RAPGEF2: variants seen among roughly 807,000 people sequenced by gnomAD.
The protein encoded by RAPGEF2 is Rap guanine nucleotide exchange factor 2.
RAPGEF2 carries 54 observed loss-of-function variants against 186.7 expected under a neutral mutation model. The observed-to-expected ratio is 0.29, with a 90% CI of 0.23 to 0.36. The LOEUF (loss-of-function observed/expected upper bound fraction) is 0.36. Among genes scored for constraint, RAPGEF2 ranks in the 10% least tolerant of loss-of-function variants. The pLI is 1.00. For synonymous variants in RAPGEF2, 712 were observed against 705.9 expected (o/e 1.01, Z -0.14); for missense variants, 1,532 against 2,045.0 (o/e 0.75, Z 4.84).
intron 4 of RAPGEF2, among the ~76,000 whole-genome samples, chr4:159,227,332 G>A (rs1752145731): frequency 6.6e-6 from 1 of 152,080 alleles, no homozygotes; most frequent in Admixed American, 6.5e-5. Context: ...TTTGCTTCTT[G>A]AATGAATTTT....
chr4:159,308,860 C>G (rs1052663413), intron 8 of RAPGEF2, among the ~76,000 whole-genome samples: 2 of 151,998 alleles, frequency 1.3e-5, no homozygotes, highest in African/African-American at 4.8e-5. Context: ...GAGTTGAGTT[C>G]ATTTGTTGAG....
chr4:159,162,171 A>G (rs911801549), intron 1 of RAPGEF2, among the ~76,000 whole-genome samples: 1 of 150,600 alleles, frequency 6.6e-6, no homozygotes, highest in Non-Finnish European at 1.5e-5. Flanking sequence ...GATTGCTTAA[A>G]GCCAAGAGTT....
chr4:159,120,677 A>G (rs1243879212), intron 1 of RAPGEF2, among the ~76,000 whole-genome samples: 4 of 152,138 alleles, frequency 2.6e-5, no homozygotes, highest in Non-Finnish European at 5.9e-5. Flanking sequence ...TAAATAAGCT[A>G]TGTTTCCATA....
At chr4:159,259,063 C>T (rs1022583949) in intron 7 of RAPGEF2, among the ~76,000 whole-genome samples, 1 of 152,118 alleles carries the variant, frequency 6.6e-6, no homozygotes, top group Non-Finnish European at 1.5e-5. Context: ...AGTATTTCCC[C>T]GTCAGTAGAT....
At chr4:159,238,670 A>G (rs1160811844) in intron 4 of RAPGEF2, 139 bp from the exon 5 acceptor site, 2 of 501,040 alleles carry the variant, frequency 4.0e-6, no homozygotes, top group Non-Finnish European at 6.7e-6. Flanking sequence ...ATTATTAAAG[A>G]TAATTCACTT....
chr4:159,336,359 G>A (rs1385897721), intron 17 of RAPGEF2, among the ~76,000 whole-genome samples: 1 of 151,996 alleles, frequency 6.6e-6, no homozygotes, highest in African/African-American at 2.4e-5. Context: ...AAAGTCCATT[G>A]TATCACTCAG....
chr4:159,266,578 T>A (rs573952235), intron 7 of RAPGEF2, among the ~76,000 whole-genome samples: 48 of 150,996 alleles, frequency 3.2e-4, no homozygotes, highest in South Asian at 1.5e-3. Context: ...TTTGGTTTTT[T>A]AAAAAAAAAA....
At position 159,171,654 on chromosome 4, in the gene RAPGEF2, T is replaced by G. The variant is rs186676612; in HGVS notation, c.70-14988T>G. Among the ~76,000 whole-genome samples the G allele has an allele frequency of 1.1e-4, 17 of 151,608 alleles. No individual in the cohort carries two copies. The East Asian group carries it at 3.3e-3, about 29-fold the overall frequency. ...AGAGTTCCACTAGTAGTTCTAGAGA[T>G]ATCTTTCATGTAAAAGGAGTGTCTC... On this transcript the variant is annotated intron_variant, in intron 1 of 29. Coordinates refer to ENST00000691494, the MANE Select transcript of RAPGEF2 (RefSeq NM_001394067.2).
rs749917570 is a variant in RAPGEF2, at chr4:159,332,680, G to A, written c.2118G>A (p.Leu706=). Residue 706 remains leucine (L), a synonymous_variant, in exon 17 of 30, where the codon TTG becomes TTA. Coordinates refer to ENST00000691494, the MANE Select transcript of RAPGEF2 (RefSeq NM_001394067.2). ...KILDKTRISI[L]PQKPYNDIGI... is the part of the protein sequence containing the mutation. ...TCGACAAGACTCGGATCAGTATCTT[G>A]CCACAGAAACCATACAAGTAAGCAT... The A allele has an allele frequency of 2.5e-6, 4 of 1,614,074 alleles. No homozygotes were observed. The highest frequency in any genetic ancestry group is 2.5e-6 in the Non-Finnish European group (3 of 1,179,956).
At chr4:159,236,239 A>G (rs890285700) in intron 4 of RAPGEF2, among the ~76,000 whole-genome samples, 1 of 152,200 alleles carries the variant, frequency 6.6e-6, no homozygotes, top group Non-Finnish European at 1.5e-5. Context: ...CTGTAGTGCA[A>G]CTGACTCTCT....
intron 7 of RAPGEF2, among the ~76,000 whole-genome samples, chr4:159,266,009 G>A (rs1757384016): frequency 6.6e-6 from 1 of 152,178 alleles, no homozygotes; most frequent in Admixed American, 6.5e-5. Context: ...ATTGTTGAGA[G>A]ATTTGGTTGG....
At chr4:159,205,191 A>T (rs1749841794) in intron 3 of RAPGEF2, among the ~76,000 whole-genome samples, 1 of 152,178 alleles carries the variant, frequency 6.6e-6, no homozygotes, top group Non-Finnish European at 1.5e-5. Context: ...TGTAAGAAAC[A>T]TCCAGGATAT....
intron 6 of RAPGEF2, 117 bp downstream of exon 6, chr4:159,241,485 C>A: frequency 2.6e-6 from 1 of 380,426 alleles, no homozygotes; most frequent in Non-Finnish European, 4.3e-6. Context: ...TATATACACA[C>A]ACATTAAGTA....
rs1462477562 is a variant in RAPGEF2 at position 159,330,378 on chromosome 4, A to C, written c.1347A>C (p.Ser449=). 4 of 1,599,254 alleles carry C rather than the reference A, an allele frequency of 2.5e-6. No homozygotes were observed. Among genetic ancestry groups the C allele is most frequent in the Non-Finnish European group, 3.4e-6 (4 of 1,176,572 alleles). Residue 449 remains serine (S), a synonymous_variant, in exon 13 of 30, where the codon TCA becomes TCC. Coordinates refer to ENST00000691494, the MANE Select transcript of RAPGEF2 (RefSeq NM_001394067.2). The part of the protein sequence containing the change: ...RLTMHLVEEH[S]VVDPTFIEDF... ...CAATGCATTTGGTGGAAGAGCATTC[A>C]GTAGTAGATCCAACATTCATAGAAG...
intron 20 of RAPGEF2, among the ~76,000 whole-genome samples, 192 bp from the exon 21 acceptor site, chr4:159,342,787 G>A (rs932299078): frequency 6.6e-6 from 1 of 151,742 alleles, no homozygotes; most frequent in African/African-American, 2.4e-5. Flanking sequence ...AGAGTAAAAC[G>A]CCTTGGCTTG....
At chr4:159,318,147 T>A (rs979134153) in intron 9 of RAPGEF2, among the ~76,000 whole-genome samples, 1 of 152,170 alleles carries the variant, frequency 6.6e-6, no homozygotes, top group Non-Finnish European at 1.5e-5. Flanking sequence ...ACAATTATCA[T>A]GTTTGCAGCT....
At chr4:159,230,288 C>CA (rs1383126589) in intron 4 of RAPGEF2, among the ~76,000 whole-genome samples, 2 of 152,182 alleles carry the variant, frequency 1.3e-5, no homozygotes, top group Non-Finnish European at 1.5e-5. Flanking sequence ...GGCTAACTCT[C>CA]ATTGATAACT....
rs375563600 is a variant in RAPGEF2, at chr4:159,286,853, GT to G, written c.544-17484del. Reference sequence around the variant, plus strand: ...CCAAACATTGATTATTATATTTTGGGTTTTTGTTTGTTGTTGTTCATGTTAT... The same window carrying G: ...CCAAACATTGATTATTATATTTTGGGTTTTGTTTGTTGTTGTTCATGTTAT... On this transcript the variant is annotated intron_variant, in intron 7 of 29. Transcript: ENST00000691494. Among the ~76,000 whole-genome samples, 302 of 152,132 alleles carry G rather than the reference GT, an allele frequency of 2.0e-3. 2 individuals are homozygous for G. The highest frequency in any genetic ancestry group is 6.9e-3 in the African/African-American group (285 of 41,510).
At chr4:159,128,895 G>A (rs1281743160) in intron 1 of RAPGEF2, 1 of 141,198 alleles carries the variant, frequency 7.1e-6, no homozygotes, top group African/African-American at 2.6e-5. Context: ...AAAGTGAAGA[G>A]TGTGTGTATA....
Sources: allele counts gnomAD v4.1 joint callset (sites outside exome capture counted in the v4.1 genomes callset), GRCh38; gene constraint gnomAD v4.1.1; transcripts MANE v1.5; gene names NCBI Gene and HGNC (gene_info 2026-07-23, HGNC 2026-07-21).